The following DOCK4 variants were observed in gnomAD, a reference collection of about 807,000 sequenced individuals.
DOCK4 encodes the protein dedicator of cytokinesis protein 4.
In DOCK4, 97 loss-of-function variants were observed where a neutral mutation model predicts 268.1. The ratio of observed to expected loss-of-function variants is 0.36; its 90% confidence interval spans 0.31 to 0.43. DOCK4 has a LOEUF of 0.43. Ranked by LOEUF, DOCK4 falls within the 20% of genes least tolerant of loss-of-function variation. The pLI is 1.00. For missense variants in DOCK4, 2,145 were observed against 2,455.7 expected (o/e 0.87, Z 2.67); for synonymous variants, 954 against 887.2 (o/e 1.08, Z -1.34).
chr7:111,871,583 T>G (rs963916274), intron 20 of DOCK4, among the ~76,000 whole-genome samples: 1 of 152,236 alleles, frequency 6.6e-6, no homozygotes, highest in African/African-American at 2.4e-5. Context: ...AATGGATGAC[T>G]TTCAGCAGGT....
At chr7:112,067,307 C>G (rs1284738028) in intron 1 of DOCK4, among the ~76,000 whole-genome samples, 3 of 149,904 alleles carry the variant, frequency 2.0e-5, no homozygotes, top group Non-Finnish European at 3.0e-5. Flanking sequence ...TGATACCAGA[C>G]AAACCAACCC....
chr7:111,921,119 T>C (rs1358105597), intron 12 of DOCK4, among the ~76,000 whole-genome samples: 3 of 152,146 alleles, frequency 2.0e-5, no homozygotes, highest in Non-Finnish European at 4.4e-5. Flanking sequence ...GTGGGAGAAA[T>C]GTTCCCTTTC....
intron 27 of DOCK4, 32 bp from the exon 28 acceptor site, chr7:111,811,981 T>G: frequency 8.2e-7 from 1 of 1,221,624 alleles, no homozygotes. Context: ...AGGTGAAAAC[T>G]TCATATTAGT....
chr7:111,888,473 T>G (rs1045861238), intron 16 of DOCK4, among the ~76,000 whole-genome samples: 3 of 151,792 alleles, frequency 2.0e-5, no homozygotes, highest in Non-Finnish European at 4.4e-5. Flanking sequence ...GTTTATGATT[T>G]TTGATATGAA....
At chr7:112,038,065 G>GCTATT (rs1803989628) in intron 1 of DOCK4, among the ~76,000 whole-genome samples, 1 of 152,196 alleles carries the variant, frequency 6.6e-6, no homozygotes, top group Non-Finnish European at 1.5e-5. Context: ...TGGACAGCAT[G>GCTATT]TTAGCATTGT....
At chr7:111,872,427 T>C (rs1305374874) in intron 18 of DOCK4, 40 bp downstream of exon 18, 2 of 1,537,982 alleles carry the variant, frequency 1.3e-6, no homozygotes, top group Admixed American at 2.0e-5. Context: ...CTTTATTCTA[T>C]GAATCTCTGC....
At chr7:111,894,155 G>A (rs1808526688) in intron 16 of DOCK4, among the ~76,000 whole-genome samples, 1 of 151,090 alleles carries the variant, frequency 6.6e-6, no homozygotes, top group Admixed American at 6.6e-5. Context: ...CCGGGAGGCA[G>A]AGCTTGCAGT....
chr7:111,933,298 A>T (rs60467755), intron 12 of DOCK4, among the ~76,000 whole-genome samples: 10,971 of 74,534 alleles, frequency 0.15, 1,220 homozygotes, highest in East Asian at 0.21. Context: ...ATATATATAT[A>T]TTTTTTTTTT....
chr7:111,825,512 A>G (rs1272156229), intron 26 of DOCK4, among the ~76,000 whole-genome samples: 2 of 152,182 alleles, frequency 1.3e-5, no homozygotes, highest in African/African-American at 4.8e-5. Flanking sequence ...ACAACTAAGT[A>G]ACAGATTCTT....
chr7:111,872,305 AT>A lies in DOCK4; in HGVS notation c.1889del (p.Asn630IlefsTer16). ...ACACTTTAGACCCATATTTTTGGGA[AT>A]TTTCATCTAAAATTCCAAATAAGGT... ...LDTLFGILDE[N>X]SQKYGSKVFD... is the part of the protein sequence containing the mutation. On this transcript the variant is annotated frameshift_variant, in exon 19 of 53. Transcript: ENST00000428084. LOFTEE classifies it high-confidence loss of function. 6.4e-7 allele frequency: 1 copy of A among 1,560,538 alleles called. No individual in the cohort carries two copies.
At chr7:112,164,052 G>A (rs778892529) in intron 1 of DOCK4, among the ~76,000 whole-genome samples, 76 of 152,282 alleles carry the variant, frequency 5.0e-4, no homozygotes, top group Non-Finnish European at 1.0e-4. Flanking sequence ...GGAAGGCTAA[G>A]GTGGAGAATT....
chr7:111,868,220 C>G, intron 21 of DOCK4, 66 bp from the exon 22 acceptor site: 1 of 1,270,338 alleles, frequency 7.9e-7, no homozygotes, highest in Non-Finnish European at 1.1e-6. Context: ...AGCAATGACA[C>G]GGCATAAAAA....
intron 12 of DOCK4, among the ~76,000 whole-genome samples, chr7:111,929,323 T>C (rs747976333): frequency 6.6e-6 from 1 of 152,130 alleles, no homozygotes; most frequent in African/African-American, 2.4e-5. Context: ...TGTAGTATAA[T>C]GTTAACCTTT....
intron 1 of DOCK4, among the ~76,000 whole-genome samples, chr7:112,186,798 A>C (rs753838549): frequency 5.9e-5 from 9 of 152,306 alleles, no homozygotes; most frequent in Non-Finnish European, 8.8e-5. Flanking sequence ...ACATTAAAAC[A>C]AAACATGTCA....
intron 1 of DOCK4, among the ~76,000 whole-genome samples, chr7:112,156,509 T>C (rs1816627170): frequency 6.6e-6 from 1 of 152,340 alleles, no homozygotes; most frequent in East Asian, 1.9e-4. Context: ...GCTGTTCTCT[T>C]ATCTTACCAA....
At chr7:112,135,772 C>T (rs1457440604) in intron 1 of DOCK4, among the ~76,000 whole-genome samples, 2 of 122,910 alleles carry the variant, frequency 1.6e-5, no homozygotes, top group Non-Finnish European at 3.6e-5. Flanking sequence ...AGTCCTCTCA[C>T]CAAAAAAAAA....
At chr7:111,756,323 T>C (rs1405220732) in intron 41 of DOCK4, among the ~76,000 whole-genome samples, 1 of 152,166 alleles carries the variant, frequency 6.6e-6, no homozygotes, top group Non-Finnish European at 1.5e-5. Flanking sequence ...CACTCCAGCC[T>C]GGGCGACAGG....
At chr7:112,166,328 T>C (rs1028147464) in intron 1 of DOCK4, among the ~76,000 whole-genome samples, 4 of 152,208 alleles carry the variant, frequency 2.6e-5, no homozygotes, top group Admixed American at 2.6e-4. Flanking sequence ...ATCTTTAATG[T>C]ATAGAACTTG....
chr7:111,940,091 C>A lies in DOCK4; in HGVS notation c.977+19G>T, dbSNP rs1795084854. The A allele has an allele frequency of 1.9e-6, 3 of 1,613,686 alleles. No individual in the cohort carries two copies. Among genetic ancestry groups the A allele is most frequent in the Non-Finnish European group, 2.5e-6 (3 of 1,179,740 alleles). On this transcript the variant is annotated intron_variant, in intron 11 of 52. Coordinates refer to ENST00000428084, the MANE Select transcript of DOCK4 (RefSeq NM_001363540.2). ...ACCCCTGTGCCTACCCCAGCCATCA[C>A]CACGTGCATGTTTCTTACATGTATA...
Sources: gnomAD v4.1 joint callset for allele counts (sites outside exome capture counted in the v4.1 genomes callset) on GRCh38, gnomAD v4.1.1 for gene constraint, MANE v1.5 for transcripts, NCBI Gene and HGNC (gene_info 2026-07-23, HGNC 2026-07-21) for gene names.